The following ASRGL1 variants were observed in gnomAD, a reference collection of about 807,000 sequenced individuals.
ASRGL1 encodes asparaginase and isoaspartyl peptidase 1, also known as isoaspartyl peptidase/L-asparaginase.
A neutral mutation model predicts 22.4 loss-of-function variants in ASRGL1; 16 were observed. The observed-to-expected ratio is 0.71, with a 90% CI of 0.48 to 1.08. The LOEUF is 1.08. Ranked by LOEUF, ASRGL1 falls within the 50% of genes least tolerant of loss-of-function variation. The pLI, the probability that ASRGL1 is intolerant of heterozygous loss-of-function variation, is 0.00. For missense variants in ASRGL1, 412 were observed against 410.1 expected (o/e 1.00, Z -0.04); for synonymous variants, 165 against 159.3 (o/e 1.04, Z -0.27).
chr11:62,400,368 T>G, the ASRGL1 span, among the ~76,000 whole-genome samples: 2 of 152,172 alleles, frequency 1.3e-5, no homozygotes, highest in Non-Finnish European at 2.9e-5. Flanking sequence ...AGCTATTATT[T>G]TATTAACCAT....
intron 4 of ASRGL1, among the ~76,000 whole-genome samples, chr11:62,367,982 T>A (rs2134646118): frequency 1.3e-5 from 2 of 152,184 alleles, no homozygotes; most frequent in South Asian, 4.1e-4. Context: ...ATTTTTAATT[T>A]TTTTTTTCTG....
At chr11:62,390,495 A>G (rs1947312529) in intron 5 of ASRGL1, among the ~76,000 whole-genome samples, 1 of 152,180 alleles carries the variant, frequency 6.6e-6, no homozygotes, top group African/African-American at 2.4e-5. Flanking sequence ...TGCCAGGACC[A>G]CCCTTGGAGA....
At chr11:62,394,561 C>T (rs1220952995), downstream of ASRGL1, among the ~76,000 whole-genome samples, 1 of 151,726 alleles carries the variant, frequency 6.6e-6, no homozygotes, top group Non-Finnish European at 1.5e-5. Context: ...AGGGGAGACC[C>T]TTTGGAGAAG....
rs372097683 is a variant in ASRGL1, at chr11:62,373,410, G to C, written c.492-15723G>C. ...TAATGTCGAATTAAAATACTTGCTC[G>C]TAGTTGACTTACCATTCCTACAAAG... On this transcript the variant is annotated intron_variant, in intron 4 of 6. Coordinates refer to ENST00000415229, the MANE Select transcript of ASRGL1 (RefSeq NM_001083926.2). 2.9e-4 allele frequency among the ~76,000 whole-genome samples: 44 copies of C among 151,514 alleles called. 1 individual carries two copies. Among genetic ancestry groups the C allele is most frequent in the African/African-American group, 1.0e-3 (42 of 41,308 alleles).
chr11:62,388,395 A>G (rs1306768274), intron 4 of ASRGL1, among the ~76,000 whole-genome samples: 2 of 152,188 alleles, frequency 1.3e-5, no homozygotes, highest in Non-Finnish European at 2.9e-5. Context: ...AGCCAGGCAC[A>G]GTGGCTCACG....
chr11:62,346,968 CAAA>C (rs35854084), intron 2 of ASRGL1, among the ~76,000 whole-genome samples: 17 of 133,646 alleles, frequency 1.3e-4, no homozygotes, highest in Non-Finnish European at 1.5e-4. Context: ...GACTCCGTCT[CAAA>C]AAAAAAAAAA....
At chr11:62,360,298 G>C (rs1946402668) in intron 4 of ASRGL1, among the ~76,000 whole-genome samples, 1 of 150,158 alleles carries the variant, frequency 6.7e-6, no homozygotes, top group Non-Finnish European at 1.5e-5. Context: ...AAAGTGCTAG[G>C]ATTATAGGTA....
chr11:62,371,423 A>G (rs992104369), intron 4 of ASRGL1: 14 of 576,466 alleles, frequency 2.4e-5, no homozygotes, highest in Admixed American at 1.6e-4. Context: ...AAGCACGTCA[A>G]ACTTGAGACG....
At chr11:62,395,597 C>T (rs1458950639), downstream of ASRGL1, among the ~76,000 whole-genome samples, 1 of 151,984 alleles carries the variant, frequency 6.6e-6, no homozygotes, top group African/African-American at 2.4e-5. Flanking sequence ...GTGGGGCACA[C>T]GTTAGTCCCC....
chr11:62,337,639 A>G (rs1945753235), intron 1 of ASRGL1, 65 bp downstream of exon 1: 1 of 236,858 alleles, frequency 4.2e-6, no homozygotes, highest in Admixed American at 5.5e-5. Context: ...ATAAACGAAA[A>G]TAGACATTTT....
chr11:62,356,114 C>T (rs1219386737), intron 2 of ASRGL1, among the ~76,000 whole-genome samples: 1 of 152,184 alleles, frequency 6.6e-6, no homozygotes, highest in African/African-American at 2.4e-5. Flanking sequence ...GTCATCATGG[C>T]CCGTTCTCAA....
At chr11:62,338,317 G>A (rs890456442) in intron 2 of ASRGL1, 150 bp downstream of exon 2, 5 of 916,954 alleles carry the variant, frequency 5.5e-6, no homozygotes, top group African/African-American at 1.7e-5. Flanking sequence ...TTTTCTACCT[G>A]TGCTGAAAAG....
Position 62,361,481 on chromosome 11 carries a change from A to ATT in ASRGL1, c.491+4361_491+4362dup, listed in dbSNP as rs35345092. On this transcript the variant is annotated intron_variant, in intron 4 of 6. Transcript: ENST00000415229. ...TTTGGTGAGCCACCAAACCTGGCCA[A>ATT]TTTTTTTTTTTTTTTTTTTTTTTTT... Among the ~76,000 whole-genome samples, 528 of 101,814 alleles carry ATT rather than the reference A, an allele frequency of 5.2e-3. 3 individuals are homozygous for ATT. The highest frequency in any genetic ancestry group is 6.3e-3 in the African/African-American group (142 of 22,678). 66.8% of individuals were successfully genotyped at this position (101,814 alleles called of 152,430 possible).
chr11:62,349,761 A>G (rs1018346677), intron 2 of ASRGL1, among the ~76,000 whole-genome samples: 2 of 152,204 alleles, frequency 1.3e-5, no homozygotes, highest in Non-Finnish European at 2.9e-5. Flanking sequence ...GGAATAAAGC[A>G]TGGCTACTCC....
chr11:62,385,883 G>T (rs1303148465), intron 4 of ASRGL1, among the ~76,000 whole-genome samples: 1 of 151,248 alleles, frequency 6.6e-6, no homozygotes, highest in African/African-American at 2.4e-5. Flanking sequence ...AATAAAATAG[G>T]CCGGGTGCAG....
At chr11:62,386,968 C>T (rs933454319) in intron 4 of ASRGL1, among the ~76,000 whole-genome samples, 1 of 151,914 alleles carries the variant, frequency 6.6e-6, no homozygotes, top group Non-Finnish European at 1.5e-5. Context: ...TCTCAGCTCA[C>T]TGCAGCCTCC....
intron 2 of ASRGL1, 62 bp downstream of exon 2, chr11:62,338,229 A>G: frequency 1.4e-6 from 2 of 1,420,710 alleles, no homozygotes; most frequent in Non-Finnish European, 1.9e-6. Flanking sequence ...TTCAGAATAA[A>G]TAGAACCTAC....
At chr11:62,362,543 A>AAC (rs1946468964) in intron 4 of ASRGL1, among the ~76,000 whole-genome samples, 1 of 40,794 alleles carries the variant, frequency 2.5e-5, no homozygotes, top group Non-Finnish European at 4.4e-5. Context: ...TATTATATAA[A>AAC]ATATATAACA....
At position 62,343,845 on chromosome 11, in the gene ASRGL1, G is replaced by A. The variant is rs1038140098; in HGVS notation, c.190+5678G>A. Among the ~76,000 whole-genome samples, 9 of 150,482 alleles carry A rather than the reference G, an allele frequency of 6.0e-5. 1 individual carries two copies. The highest frequency in any genetic ancestry group is 4.2e-4 in the South Asian group (2 of 4,780). On this transcript the variant is annotated intron_variant, in intron 2 of 6. Coordinates refer to ENST00000415229, the MANE Select transcript of ASRGL1 (RefSeq NM_001083926.2). ...TAGTAGGCATATAATGGAATCTTAC[G>A]ATGTTGATTTGCATTTCCCTAAATG... is the stretch of plus-strand genomic sequence containing the variant.
Sources: gnomAD v4.1 joint callset for allele counts (sites outside exome capture counted in the v4.1 genomes callset) on GRCh38, gnomAD v4.1.1 for gene constraint, MANE v1.5 for transcripts, NCBI Gene and HGNC (gene_info 2026-07-23, HGNC 2026-07-21) for gene names.